KCTD16: variants seen among roughly 807,000 people sequenced by gnomAD.
KCTD16 encodes potassium channel tetramerization domain containing 16, also known as BTB/POZ domain-containing protein KCTD16.
In KCTD16, 13 loss-of-function variants were observed where a neutral mutation model predicts 33.2. The ratio of observed to expected loss-of-function variants is 0.39; its 90% confidence interval spans 0.25 to 0.62. The LOEUF (loss-of-function observed/expected upper bound fraction) is 0.62. Among genes scored for constraint, KCTD16 ranks in the 20% least tolerant of loss-of-function variants. KCTD16 has a pLI of 0.50. For missense variants in KCTD16, 441 were observed against 525.1 expected, an observed-to-expected ratio of 0.84 and a Z score of 1.57; for synonymous variants, 197 against 195.3, an observed-to-expected ratio of 1.01 and a Z score of -0.07.
At chr5:144,173,350 A>G (rs1238637945) in intron 1 of KCTD16, among the ~76,000 whole-genome samples, 1 of 152,248 alleles carries the variant, frequency 6.6e-6, no homozygotes, top group Non-Finnish European at 1.5e-5. Context: ...ATGGAGCTGC[A>G]GGACATTATC....
intron 2 of KCTD16, among the ~76,000 whole-genome samples, chr5:144,205,065 T>C (rs1287133389): frequency 1.3e-5 from 2 of 152,054 alleles, no homozygotes; most frequent in Non-Finnish European, 2.9e-5. Flanking sequence ...ACAACTTACC[T>C]CTTGGGTAGG....
In KCTD16 at chr5:144,182,083, C is replaced by CT. The variant is rs1334960685; in HGVS notation, c.-327+7612dup. ...CTGGGCAACAAAAGTGAAACTCCAT[C>CT]TCAAAAAAAAAAAAAAAAGTTATCA... On this transcript the variant is annotated intron_variant, in intron 2 of 3. Transcript: ENST00000512467. 3.9e-5 allele frequency among the ~76,000 whole-genome samples: 5 copies of CT among 129,782 alleles called. No homozygotes were observed. In the South Asian group the frequency reaches 1.2e-3, roughly 32 times the overall value. The allele number at this position is 129,782 out of a possible 152,430, so 85.1% of individuals were successfully genotyped here.
At chr5:144,176,042 C>T (rs2126770277) in intron 2 of KCTD16, among the ~76,000 whole-genome samples, 1 of 152,172 alleles carries the variant, frequency 6.6e-6, no homozygotes, top group East Asian at 1.9e-4. Context: ...TTATCTCTGT[C>T]CAAGATCTTT....
At chr5:144,297,098 A>G (rs987199459) in intron 3 of KCTD16, among the ~76,000 whole-genome samples, 4 of 152,230 alleles carry the variant, frequency 2.6e-5, no homozygotes, top group African/African-American at 9.6e-5. Flanking sequence ...ATAAGAGCCA[A>G]TCTGGAAGAT....
intron 3 of KCTD16, chr5:144,384,405 A>G (rs1280754601): frequency 6.6e-6 from 1 of 152,256 alleles, no homozygotes; most frequent in Non-Finnish European, 1.5e-5. Flanking sequence ...ACATCTGACC[A>G]AAACGACAGC....
rs184813344 is a variant in KCTD16 at position 144,460,916 on chromosome 5, C to G, written c.833-12744C>G. Among the ~76,000 whole-genome samples, 290 of 152,098 alleles carry G rather than the reference C, an allele frequency of 1.9e-3. 1 individual carries two copies. The highest frequency in any genetic ancestry group is 6.8e-3 in the African/African-American group (281 of 41,492). The stretch of plus-strand genomic sequence containing the variant: ...CTAGTAAGCATTATTATACAAATAC[C>G]AGATACCATGATTTCTCTTCTTCTG... On this transcript the variant is annotated intron_variant, in intron 3 of 3. Transcript: ENST00000512467.
At chr5:144,375,700 G>C (rs1752075365) in intron 3 of KCTD16, among the ~76,000 whole-genome samples, 1 of 152,122 alleles carries the variant, frequency 6.6e-6, no homozygotes. Flanking sequence ...AGAGGGCTTT[G>C]CCTTGGTGTT....
intron 3 of KCTD16, among the ~76,000 whole-genome samples, chr5:144,310,908 G>C (rs932109009): frequency 7.9e-5 from 12 of 152,168 alleles, no homozygotes; most frequent in African/African-American, 2.9e-4. Context: ...GCTCTGAGGA[G>C]CGGGAAAATA....
At chr5:144,310,091 C>T (rs1751720793) in intron 3 of KCTD16, among the ~76,000 whole-genome samples, 1 of 151,252 alleles carries the variant, frequency 6.6e-6, no homozygotes, top group South Asian at 2.1e-4. Flanking sequence ...ATATTATTCT[C>T]CTCTCTACCT....
At chr5:144,441,255 T>C (rs1400664147) in intron 3 of KCTD16, among the ~76,000 whole-genome samples, 1 of 152,132 alleles carries the variant, frequency 6.6e-6, no homozygotes, top group Non-Finnish European at 1.5e-5. Flanking sequence ...AGCACAAAGT[T>C]GCTAATTTTG....
chr5:144,365,352 A>G (rs745653793), intron 3 of KCTD16, among the ~76,000 whole-genome samples: 2 of 152,122 alleles, frequency 1.3e-5, no homozygotes, highest in Admixed American at 6.6e-5. Flanking sequence ...AACTTATTTA[A>G]ATAATATTTA....
chr5:144,179,646 T>C (rs1752577283), intron 2 of KCTD16, among the ~76,000 whole-genome samples: 1 of 152,232 alleles, frequency 6.6e-6, no homozygotes, highest in Admixed American at 6.5e-5. Context: ...ATTTTACTAA[T>C]AAGACTAGTA....
At chr5:144,243,333 T>C (rs1754454816) in intron 3 of KCTD16, among the ~76,000 whole-genome samples, 1 of 152,234 alleles carries the variant, frequency 6.6e-6, no homozygotes, top group Non-Finnish European at 1.5e-5. Context: ...GAAGTCACTA[T>C]GTGCAGTCCA....
At chr5:144,250,112 C>T (rs554404123) in intron 3 of KCTD16, among the ~76,000 whole-genome samples, 1 of 152,276 alleles carries the variant, frequency 6.6e-6, no homozygotes, top group South Asian at 2.1e-4. Flanking sequence ...TGCTTCTTTT[C>T]ACATTTTTAC....
chr5:144,225,741 C>A (rs1753912535), intron 3 of KCTD16, among the ~76,000 whole-genome samples: 1 of 152,190 alleles, frequency 6.6e-6, no homozygotes, highest in South Asian at 2.1e-4. Flanking sequence ...AGCATGAAAC[C>A]TATGACTAAC....
intron 2 of KCTD16, among the ~76,000 whole-genome samples, chr5:144,180,218 T>C (rs1008380602): frequency 6.6e-6 from 1 of 152,202 alleles, no homozygotes; most frequent in Non-Finnish European, 1.5e-5. Context: ...CATTCATCTG[T>C]TTCTAAGACC....
At chr5:144,301,794 T>A (rs970879070) in intron 3 of KCTD16, among the ~76,000 whole-genome samples, 5 of 152,188 alleles carry the variant, frequency 3.3e-5, no homozygotes, top group Non-Finnish European at 5.9e-5. Context: ...AATCTTGTAT[T>A]TTTGGTTCTT....
intron 3 of KCTD16, among the ~76,000 whole-genome samples, chr5:144,273,392 C>G (rs1252803395): frequency 2.0e-5 from 3 of 152,028 alleles, no homozygotes; most frequent in Non-Finnish European, 4.4e-5. Context: ...CAAAAGAGTA[C>G]AGCTGTAAAA....
At chr5:144,450,595 A>G (rs906704879) in intron 3 of KCTD16, among the ~76,000 whole-genome samples, 14 of 152,126 alleles carry the variant, frequency 9.2e-5, no homozygotes, top group African/African-American at 3.4e-4. Context: ...GCATATACAT[A>G]CAATGAAACA....
Sources: allele counts gnomAD v4.1 joint callset (sites outside exome capture counted in the v4.1 genomes callset), GRCh38; gene constraint gnomAD v4.1.1; transcripts MANE v1.5; gene names NCBI Gene and HGNC (gene_info 2026-07-23, HGNC 2026-07-21).